The following TGFBI variants were observed in gnomAD, a reference collection of about 807,000 sequenced individuals.
TGFBI encodes transforming growth factor beta induced, also known as transforming growth factor-beta-induced protein ig-h3.
Under a neutral mutation model 73.7 loss-of-function variants are expected in TGFBI, and 50 were observed. The ratio of observed to expected loss-of-function variants is 0.68; its 90% confidence interval spans 0.54 to 0.86. The LOEUF (loss-of-function observed/expected upper bound fraction) is 0.86. TGFBI is among the 40% of genes least tolerant of loss of function. The pLI, the probability that TGFBI is intolerant of heterozygous loss-of-function variation, is 0.00. For missense variants in TGFBI, 839 were observed against 877.0 expected, an observed-to-expected ratio of 0.96 and a Z score of 0.55; for synonymous variants, 362 against 360.5, an observed-to-expected ratio of 1.00 and a Z score of -0.05.
intron 12 of TGFBI, chr5:136,058,807 GCCAGGGAGCCCAGCAT>G: frequency 6.5e-6 from 2 of 307,034 alleles, no homozygotes; most frequent in Non-Finnish European, 1.2e-5. Context: ...CTTCTCAGCA[GCCAGGGAGCCCAGCAT>G]CCCAGACAGC....
chr5:136,042,241 G>T (rs1440638093), intron 2 of TGFBI, among the ~76,000 whole-genome samples: 1 of 152,244 alleles, frequency 6.6e-6, no homozygotes, highest in Non-Finnish European at 1.5e-5. Flanking sequence ...GCTGGGAAAA[G>T]TTGGCAGACA....
At chr5:136,043,571 C>G (rs1580712811) in intron 2 of TGFBI, among the ~76,000 whole-genome samples, 1 of 152,106 alleles carries the variant, frequency 6.6e-6, no homozygotes, top group South Asian at 2.1e-4. Context: ...CTGCCTGATA[C>G]ACATATGTGT....
chr5:136,037,751 A>G (rs1038047803), intron 2 of TGFBI, among the ~76,000 whole-genome samples: 1 of 152,158 alleles, frequency 6.6e-6, no homozygotes, highest in African/African-American at 2.4e-5. Flanking sequence ...AGGGGCAAAA[A>G]TATTAATACT....
chr5:136,037,094 T>C (rs1283515829), intron 2 of TGFBI, among the ~76,000 whole-genome samples: 3 of 152,206 alleles, frequency 2.0e-5, no homozygotes. Context: ...TGAAGCTCTG[T>C]TGCCTGCACA....
chr5:136,034,121 C>CGTGTGTGT (rs10626743), intron 2 of TGFBI, among the ~76,000 whole-genome samples: 6 of 149,536 alleles, frequency 4.0e-5, no homozygotes, highest in African/African-American at 1.5e-4. Context: ...TGAAACACTG[C>CGTGTGTGT]GTGTGTGTGT....
chr5:136,044,361 T>G (rs1751389058), intron 3 of TGFBI, among the ~76,000 whole-genome samples: 1 of 152,258 alleles, frequency 6.6e-6, no homozygotes, highest in Non-Finnish European at 1.5e-5. Context: ...TGGAGTAGAC[T>G]CCAACTGTGG....
intron 6 of TGFBI, 163 bp downstream of exon 6, chr5:136,047,583 A>C: frequency 1.2e-6 from 1 of 817,442 alleles, no homozygotes; most frequent in South Asian, 1.7e-5. Context: ...CATTGACCAG[A>C]CATTCAGCTT....
Position 136,047,420 on chromosome 5 carries a change from G to A in TGFBI, c.771G>A (p.Arg257=). The A allele has an allele frequency of 1.2e-6, 2 of 1,613,838 alleles. No individual in the cohort carries two copies. Among genetic ancestry groups the A allele is most frequent in the Non-Finnish European group, 1.7e-6 (2 of 1,179,842 alleles). The part of the protein sequence containing the change: ...IEIEDTFETL[R]AAVAASGLNT... ...TCGAGGACACCTTTGAGACCCTTCG[G>A]GTAAGGGACTGCCCTGGGTGGAGGC... The change falls in exon 6 of 17, where the codon CGG becomes CGA. Residue 257 remains arginine, a splice_region_variant and synonymous_variant. Coordinates refer to ENST00000442011, the MANE Select transcript of TGFBI (RefSeq NM_000358.3).
At position 136,047,022 on chromosome 5, in the gene TGFBI, G is replaced by GA. The variant is rs779968782; in HGVS notation, c.624+8dup. ...CCACCACTATCCTAATGGGGTAGGG[G>GA]ATCCCCAGCCATACTGCATGGCCCT... On this transcript the variant is annotated splice_region_variant and intron_variant, in intron 5 of 16. Transcript: ENST00000442011. 23 of 1,610,212 alleles carry GA rather than the reference G, an allele frequency of 1.4e-5. No homozygotes were observed. The East Asian group carries it at 5.1e-4, about 36-fold the overall frequency.
chr5:136,058,961 G>T, intron 12 of TGFBI, 129 bp from the exon 13 acceptor site: 2 of 1,191,116 alleles, frequency 1.7e-6, no homozygotes, highest in African/African-American at 1.5e-5. Flanking sequence ...CTTAATAAGT[G>T]CTTATTCCCT....
chr5:136,057,449 C>G (rs17689879), intron 12 of TGFBI, among the ~76,000 whole-genome samples: 2 of 151,710 alleles, frequency 1.3e-5, no homozygotes, highest in East Asian at 3.9e-4. Context: ...CTAGTGGTTA[C>G]GGGTGGCTAA....
chr5:136,054,628 A>G, intron 9 of TGFBI, 88 bp from the exon 10 acceptor site: 1 of 1,572,272 alleles, frequency 6.4e-7, no homozygotes, highest in Non-Finnish European at 8.8e-7. Flanking sequence ...TCAAGGAGGG[A>G]TGGGCTTTTT....
At chr5:136,035,969 C>T (rs184468972) in intron 2 of TGFBI, among the ~76,000 whole-genome samples, 1 of 152,174 alleles carries the variant, frequency 6.6e-6, no homozygotes, top group East Asian at 1.9e-4. Context: ...AACAATAGCT[C>T]GATAACATTC....
At chr5:136,049,750 C>G (rs1751499554) in intron 7 of TGFBI, 170 bp downstream of exon 7, 4 of 702,084 alleles carry the variant, frequency 5.7e-6, no homozygotes, top group Non-Finnish European at 9.2e-6. Context: ...AACCGTGTCT[C>G]TAGCAGCCAC....
In TGFBI at chr5:136,054,033, G is replaced by C; in HGVS notation, c.1217G>C (p.Gly406Ala). 6.2e-7 allele frequency: 1 copy of C among 1,614,016 alleles called. No individual in the cohort carries two copies. The highest frequency in any genetic ancestry group is 8.5e-7 in the Non-Finnish European group (1 of 1,179,894). Reference sequence around the variant, plus strand: ...GCCGGCCTCGGCAATCATCTCTCTGGAAGTGAGCGGTTGACCCTCCTGGCT... The same window carrying C: ...GCCGGCCTCGGCAATCATCTCTCTGCAAGTGAGCGGTTGACCCTCCTGGCT... The part of the protein sequence containing the change: ...RQAGLGNHLS[G>A]SERLTLLAPL... Residue 406 changes from glycine to alanine, a missense_variant, in exon 9 of 17, where the codon GGA becomes GCA. Physicochemically the swap from Gly to Ala is moderately conservative, Grantham distance 60. Transcript: ENST00000442011.
At chr5:136,042,131 C>G (rs1206923932) in intron 2 of TGFBI, among the ~76,000 whole-genome samples, 1 of 152,192 alleles carries the variant, frequency 6.6e-6, no homozygotes, top group Non-Finnish European at 1.5e-5. Context: ...AGTAATACAG[C>G]CCTGGAATTT....
chr5:136,038,004 T>A (rs1751258649), intron 2 of TGFBI, among the ~76,000 whole-genome samples: 1 of 151,922 alleles, frequency 6.6e-6, no homozygotes, highest in African/African-American at 2.4e-5. Context: ...CCCAGACCCA[T>A]ACTAGTGCCT....
chr5:136,044,167 G>T, intron 3 of TGFBI, 45 bp downstream of exon 3: 2 of 1,533,034 alleles, frequency 1.3e-6, no homozygotes, highest in Non-Finnish European at 1.8e-6. Flanking sequence ...GGGTGGAAGG[G>T]AATGGTGGGA....
intron 1 of TGFBI, among the ~76,000 whole-genome samples, chr5:136,032,214 C>A (rs1273881014): frequency 6.6e-6 from 1 of 152,152 alleles, no homozygotes; most frequent in Non-Finnish European, 1.5e-5. Context: ...AGGCATGGGC[C>A]TCTGCTGGCT....
Sources: allele counts gnomAD v4.1 joint callset (sites outside exome capture counted in the v4.1 genomes callset), GRCh38; gene constraint gnomAD v4.1.1; transcripts MANE v1.5; gene names NCBI Gene and HGNC (gene_info 2026-07-23, HGNC 2026-07-21).